The following BICD1 variants were observed in gnomAD, a reference collection of about 807,000 sequenced individuals.
BICD1 encodes the protein BICD cargo adaptor 1, also known as protein bicaudal D homolog 1.
In BICD1, 35 loss-of-function variants were observed where a neutral mutation model predicts 92.5. That is an observed-to-expected ratio of 0.38 (90% CI 0.29 to 0.50). The LOEUF (loss-of-function observed/expected upper bound fraction) is 0.50, where lower values mean the gene tolerates loss of function less well. BICD1 is among the 20% of genes least tolerant of loss of function. The probability of loss-of-function intolerance (pLI) is 0.93; values close to 1 mark genes in which losing one functional copy is unlikely to be tolerated. For missense variants in BICD1, 950 were observed against 1,189.8 expected (o/e 0.80, Z 2.97); for synonymous variants, 429 against 465.1 (o/e 0.92, Z 1.00).
intron 1 of BICD1, among the ~76,000 whole-genome samples, chr12:32,191,641 TTA>T (rs919121597): frequency 5.3e-4 from 78 of 147,814 alleles, no homozygotes; most frequent in Middle Eastern, 3.6e-3. Flanking sequence ...ATGTTATATA[TTA>T]TATGTTATAT....
intron 9 of BICD1, among the ~76,000 whole-genome samples, chr12:32,372,545 T>A (rs1939778974): frequency 6.6e-6 from 1 of 152,180 alleles, no homozygotes; most frequent in Admixed American, 6.6e-5. Context: ...TTAAGGTGAA[T>A]GATTTTTTAA....
intron 1 of BICD1, among the ~76,000 whole-genome samples, chr12:32,144,184 C>T (rs539248417): frequency 5.9e-5 from 9 of 152,126 alleles, no homozygotes; most frequent in African/African-American, 2.2e-4. Context: ...AAATTTTTCC[C>T]TATGTAGGGA....
chr12:32,135,038 C>CTCCTCTCCTT (rs1387950844), intron 1 of BICD1, among the ~76,000 whole-genome samples: 2 of 144,912 alleles, frequency 1.4e-5, no homozygotes, highest in Non-Finnish European at 3.0e-5. Context: ...CTCCTCTCCT[C>CTCCTCTCCTT]TCCCCCTCCT....
chr12:32,215,681 G>A (rs982298877), intron 1 of BICD1, among the ~76,000 whole-genome samples: 1 of 152,060 alleles, frequency 6.6e-6, no homozygotes, highest in Non-Finnish European at 1.5e-5. Context: ...CAGGCGCGGT[G>A]GCTTATGCCT....
intron 4 of BICD1, among the ~76,000 whole-genome samples, chr12:32,307,301 G>A (rs1462216903): frequency 6.6e-6 from 1 of 152,194 alleles, no homozygotes; most frequent in Non-Finnish European, 1.5e-5. Flanking sequence ...TGCAACATGA[G>A]TTAAACCTTA....
chr12:32,205,108 T>C (rs929120843), intron 1 of BICD1, among the ~76,000 whole-genome samples: 1 of 152,206 alleles, frequency 6.6e-6, no homozygotes, highest in Non-Finnish European at 1.5e-5. Flanking sequence ...CTTTTTTCTT[T>C]GGTATTTTCA....
At chr12:32,177,037 G>C (rs546786507) in intron 1 of BICD1, among the ~76,000 whole-genome samples, 1 of 151,272 alleles carries the variant, frequency 6.6e-6, no homozygotes. Flanking sequence ...TTTTTTGGCC[G>C]GGCATGGTGG....
rs75240108 is a variant in BICD1 at position 32,370,782 on chromosome 12, A to G, written c.2840+3037A>G. Among the ~76,000 whole-genome samples the G allele has an allele frequency of 6.5e-3, 983 of 152,352 alleles. 9 individuals carry two copies. Among genetic ancestry groups the G allele is most frequent in the African/African-American group, 0.022 (927 of 41,578 alleles). On this transcript the variant is annotated intron_variant, in intron 9 of 9. Transcript: ENST00000652176. ...AGTGTCTGCTCAGTATCTGTTATCA[A>G]TACTTTTTTAGTATCTTACCATTCC...
chr12:32,213,460 A>T (rs1479379201), intron 1 of BICD1, among the ~76,000 whole-genome samples: 1 of 152,128 alleles, frequency 6.6e-6, no homozygotes, highest in Non-Finnish European at 1.5e-5. Context: ...CAGTGGCACA[A>T]TCTCAGCTCA....
chr12:32,329,383 C>G (rs1937729002), intron 5 of BICD1, among the ~76,000 whole-genome samples: 1 of 152,132 alleles, frequency 6.6e-6, no homozygotes, highest in Non-Finnish European at 1.5e-5. Context: ...AGGCATGAAC[C>G]ACCGCGCCCA....
chr12:32,324,224 G>A (rs1010719777), intron 4 of BICD1, among the ~76,000 whole-genome samples: 7 of 151,960 alleles, frequency 4.6e-5, no homozygotes, highest in East Asian at 1.9e-4. Context: ...GTGTGGTGGC[G>A]TGTGCCTGTA....
chr12:32,327,383 A>T, intron 4 of BICD1, 78 bp from the exon 5 acceptor site: 1 of 1,502,076 alleles, frequency 6.7e-7, no homozygotes. Context: ...AAGTGTATAC[A>T]TGCCCGACTG....
intron 2 of BICD1, among the ~76,000 whole-genome samples, chr12:32,290,363 A>T (rs1947693801): frequency 6.6e-6 from 1 of 152,216 alleles, no homozygotes; most frequent in Non-Finnish European, 1.5e-5. Flanking sequence ...AAATCTTCTG[A>T]TGCCAAAAAA....
chr12:32,325,801 G>A (rs534504963), intron 4 of BICD1, among the ~76,000 whole-genome samples: 3 of 152,208 alleles, frequency 2.0e-5, no homozygotes, highest in South Asian at 2.1e-4. Flanking sequence ...TGGGCCAGGC[G>A]CGGTGGCTCA....
intron 2 of BICD1, among the ~76,000 whole-genome samples, chr12:32,265,007 G>T (rs1009410746): frequency 6.6e-6 from 1 of 151,994 alleles, no homozygotes. Context: ...TTCTGTGCTG[G>T]TCGCTCCTTT....
At chr12:32,186,879 G>A (rs1272883482) in intron 1 of BICD1, among the ~76,000 whole-genome samples, 1 of 152,080 alleles carries the variant, frequency 6.6e-6, no homozygotes, top group African/African-American at 2.4e-5. Context: ...TATTTCTTGA[G>A]GTCCAAAAGA....
chr12:32,148,154 A>G, intron 1 of BICD1, among the ~76,000 whole-genome samples: 1 of 151,390 alleles, frequency 6.6e-6, no homozygotes, highest in East Asian at 1.9e-4. Flanking sequence ...AAAAAAAAAG[A>G]ATCTGAGAAG....
At chr12:32,172,636 T>C (rs1943978307) in intron 1 of BICD1, among the ~76,000 whole-genome samples, 1 of 152,178 alleles carries the variant, frequency 6.6e-6, no homozygotes, top group African/African-American at 2.4e-5. Flanking sequence ...CATGCACTTA[T>C]AGGGGAGTCC....
At chr12:32,230,867 T>C (rs1372693448) in intron 2 of BICD1, among the ~76,000 whole-genome samples, 1 of 87,448 alleles carries the variant, frequency 1.1e-5, no homozygotes, top group East Asian at 6.2e-4. Context: ...TATGCACATC[T>C]GTGAAATTAT....
Sources: gnomAD v4.1 joint callset for allele counts (sites outside exome capture counted in the v4.1 genomes callset) on GRCh38, gnomAD v4.1.1 for gene constraint, MANE v1.5 for transcripts, NCBI Gene and HGNC (gene_info 2026-07-23, HGNC 2026-07-21) for gene names.